The following PLAG1 variants were observed in gnomAD, a reference collection of about 807,000 sequenced individuals.
PLAG1 encodes zinc finger protein PLAG1.
Under a neutral mutation model 35.5 loss-of-function variants are expected in PLAG1, and 7 were observed. The observed-to-expected ratio is 0.20, with a 90% CI of 0.11 to 0.37. The LOEUF is 0.37. PLAG1 is among the 10% of genes least tolerant of loss of function. The probability of loss-of-function intolerance (pLI) is 1.00; values close to 1 mark genes in which losing one functional copy is unlikely to be tolerated. For missense variants in PLAG1, 454 were observed against 602.8 expected (o/e 0.75, Z 2.58); for synonymous variants, 229 against 225.4 (o/e 1.02, Z -0.14).
Position 56,167,413 on chromosome 8 carries a change from G to C in PLAG1, c.333C>G (p.Leu111=). 1 of 1,613,280 alleles carries C rather than the reference G, an allele frequency of 6.2e-7. No homozygotes were observed. Among genetic ancestry groups the C allele is most frequent in the South Asian group, 1.1e-5 (1 of 91,030 alleles). The change falls in exon 5 of 5, where the codon CTC becomes CTG. Residue 111 remains leucine, a synonymous_variant. Transcript: ENST00000316981. This position sits in a 1 kb window ranked among gnomAD's most constrained non-coding sequence, Gnocchi z 5.9. The stretch of plus-strand genomic sequence containing the variant: ...TCTCTTTGTTAGGGTCGTGTGTATG[G>C]AGGTGATTCTTCAGATGATCTTTCC... ...FHRKDHLKNH[L]HTHDPNKETF... is the part of the protein sequence containing the mutation.
chr8:56,171,801 T>G (rs1811532316), intron 2 of PLAG1, among the ~76,000 whole-genome samples: 1 of 152,196 alleles, frequency 6.6e-6, no homozygotes, highest in Non-Finnish European at 1.5e-5. Context: ...TAAATATAGA[T>G]TTGCTACAGA....
rs914390675 is a variant in PLAG1 at position 56,181,663 on chromosome 8, A to AT, written c.-321-2151dup. Among the ~76,000 whole-genome samples the AT allele has an allele frequency of 8.8e-4, 134 of 152,316 alleles. 1 individual carries two copies. Among genetic ancestry groups the AT allele is most frequent in the African/African-American group, 3.0e-3 (124 of 41,564 alleles). ...TGCAACAAACCACCATAGCACGTGT[A>AT]TACCTATGTAACAAACCTGCACGTT... On this transcript the variant is annotated intron_variant, in intron 1 of 4. Transcript: ENST00000316981.
chr8:56,190,872 T>C (rs1392906986), intron 1 of PLAG1, among the ~76,000 whole-genome samples: 1 of 152,022 alleles, frequency 6.6e-6, no homozygotes, highest in Non-Finnish European at 1.5e-5. Context: ...AGGTGACACA[T>C]GAGCAGTTTT....
At position 56,161,284 on chromosome 8, in the gene PLAG1, A is replaced by G. The variant is rs1216892221; in HGVS notation, c.*4959T>C. On this transcript the variant is annotated 3_prime_UTR_variant, in exon 5 of 5. Coordinates refer to ENST00000316981, the MANE Select transcript of PLAG1 (RefSeq NM_002655.3). ...AATAGCAATTTTAAATGCAATAAAA[A>G]TATACAAAATTCGGCCTGGAATGCA... is the stretch of plus-strand genomic sequence containing the variant. The G allele has an allele frequency of 4.8e-6, 1 of 206,792 alleles. No homozygotes were observed. Among genetic ancestry groups the G allele is most frequent in the Non-Finnish European group, 9.9e-6 (1 of 101,140 alleles). 12.8% of individuals were successfully genotyped at this position (206,792 alleles called of 1,614,324 possible).
chr8:56,182,804 CG>C (rs1563382076), intron 1 of PLAG1, among the ~76,000 whole-genome samples: 1 of 151,964 alleles, frequency 6.6e-6, no homozygotes, highest in African/African-American at 2.4e-5. Context: ...GACAAAGAGG[CG>C]GGGAAGAAAG....
At chr8:56,197,739 G>A (rs1812425719) in intron 1 of PLAG1, among the ~76,000 whole-genome samples, 1 of 152,150 alleles carries the variant, frequency 6.6e-6, no homozygotes, top group African/African-American at 2.4e-5. Flanking sequence ...TCATGCATCT[G>A]TGTCTGTCTT....
At position 56,168,262 on chromosome 8, in the gene PLAG1, G is replaced by C. The variant is rs1323553156; in HGVS notation, c.8C>G (p.Thr3Ser). The part of the protein sequence containing the change: MA[T>S]VIPGDLSEVR... ...TTCTGACAAATCACCAGGAATGACA[G>C]TGGCCATCGCAGCCTAAACCAGGCC... The change falls in exon 4 of 5, where the codon ACT (threonine) becomes AGT (serine). Residue 3 changes from threonine (T) to serine (S), a missense_variant. Around this residue, in one of 4 missense-constraint regions of PLAG1, gnomAD observed 4 missense variants for 23.6 expected, o/e 0.17. Coordinates refer to ENST00000316981, the MANE Select transcript of PLAG1 (RefSeq NM_002655.3). 2 of 1,611,350 alleles carry C rather than the reference G, an allele frequency of 1.2e-6. No individual in the cohort carries two copies. The highest frequency in any genetic ancestry group is 1.7e-6 in the Non-Finnish European group (2 of 1,178,206).
intron 1 of PLAG1, among the ~76,000 whole-genome samples, chr8:56,195,290 T>G (rs1812326124): frequency 6.6e-6 from 1 of 152,182 alleles, no homozygotes. Context: ...ATTTTCTTCC[T>G]CTATAACTGG....
At chr8:56,196,245 GA>G (rs370015758) in intron 1 of PLAG1, among the ~76,000 whole-genome samples, 180 of 152,296 alleles carry the variant, frequency 1.2e-3, no homozygotes, top group African/African-American at 3.9e-3. Context: ...AGGGATAGAA[GA>G]AACAAGCCTG....
intron 1 of PLAG1, chr8:56,209,178 A>G (rs1261323493): frequency 2.0e-5 from 3 of 152,252 alleles, no homozygotes; most frequent in Non-Finnish European, 4.4e-5. Flanking sequence ...CACAGAATTC[A>G]TAACTGTTCA....
chr8:56,187,640 G>C (rs1032324060), intron 1 of PLAG1, among the ~76,000 whole-genome samples: 1 of 152,150 alleles, frequency 6.6e-6, no homozygotes, highest in African/African-American at 2.4e-5. Context: ...GCCTGATATG[G>C]ATTTAAAAAA....
Position 56,163,337 on chromosome 8 carries a change from G to A in PLAG1, c.*2906C>T. On this transcript the variant is annotated 3_prime_UTR_variant, in exon 5 of 5. Coordinates refer to ENST00000316981, the MANE Select transcript of PLAG1 (RefSeq NM_002655.3). Reference sequence around the variant, plus strand: ...TACTTATTTTTAATCATATCTAGTTGACATAGAAACAAACAATCTTTTTCT... The same window carrying A: ...TACTTATTTTTAATCATATCTAGTTAACATAGAAACAAACAATCTTTTTCT... 5.8e-6 allele frequency: 1 copy of A among 172,960 alleles called. No homozygotes were observed. The allele number at this position is 172,960 out of a possible 1,614,324, so 10.7% of individuals were successfully genotyped here. A position where few individuals can be genotyped will look rare whatever the true frequency, so the allele number is the denominator to read the frequency against.
chr8:56,190,930 T>C (rs576221282), intron 1 of PLAG1, among the ~76,000 whole-genome samples: 30 of 152,106 alleles, frequency 2.0e-4, no homozygotes, highest in African/African-American at 7.2e-4. Flanking sequence ...GTAAGAACAT[T>C]CCAGCAGAGG....
intron 2 of PLAG1, among the ~76,000 whole-genome samples, chr8:56,175,780 C>A (rs753462678): frequency 6.6e-6 from 1 of 152,066 alleles, no homozygotes; most frequent in African/African-American, 2.4e-5. Context: ...TAAGAACCAA[C>A]AGGAAAAAGT....
At chr8:56,191,446 T>C (rs1812180941) in intron 1 of PLAG1, among the ~76,000 whole-genome samples, 1 of 152,128 alleles carries the variant, frequency 6.6e-6, no homozygotes, top group Admixed American at 6.5e-5. Context: ...GGGTGGGGTG[T>C]TCCAGACAAT....
At position 56,196,057 on chromosome 8, in the gene PLAG1, G is replaced by A. The variant is rs149311067; in HGVS notation, c.-322+15064C>T. On this transcript the variant is annotated intron_variant, in intron 1 of 4. Coordinates refer to ENST00000316981, the MANE Select transcript of PLAG1 (RefSeq NM_002655.3). ...AGGGGAATTTGGGGAGCACAGAAGT[G>A]CCATGGAACCAGAGTTGGCCAGAAA... Among the ~76,000 whole-genome samples the A allele has an allele frequency of 5.9e-3, 895 of 152,310 alleles. 10 individuals are homozygous for A. Among genetic ancestry groups the A allele is most frequent in the African/African-American group, 0.02 (852 of 41,576 alleles).
In PLAG1 at chr8:56,161,025, A is replaced by G. The variant is rs2129222809; in HGVS notation, c.*5218T>C. 1 of 182,024 alleles carries G rather than the reference A, an allele frequency of 5.5e-6. No individual in the cohort carries two copies. The highest frequency in any genetic ancestry group is 9.0e-5 in the East Asian group (1 of 11,052). The allele number at this position is 182,024 out of a possible 1,614,324, so 11.3% of individuals were successfully genotyped here. A position where few individuals can be genotyped will look rare whatever the true frequency, so the allele number is the denominator to read the frequency against. ...GCAGTACTATTATTTAATTAGCAGC[A>G]AATTAATATTTTAAATCTGGTATAT... On this transcript the variant is annotated 3_prime_UTR_variant, in exon 5 of 5. Coordinates refer to ENST00000316981, the MANE Select transcript of PLAG1 (RefSeq NM_002655.3).
At chr8:56,198,629 C>T (rs1812454413) in intron 1 of PLAG1, among the ~76,000 whole-genome samples, 1 of 152,240 alleles carries the variant, frequency 6.6e-6, no homozygotes, top group African/African-American at 2.4e-5. Flanking sequence ...TAGAGCTCCT[C>T]CTCCAGACCT....
intron 1 of PLAG1, among the ~76,000 whole-genome samples, chr8:56,188,563 T>C (rs1256181449): frequency 2.6e-5 from 4 of 152,252 alleles, no homozygotes; most frequent in East Asian, 1.9e-4. Context: ...AATTTGTCTA[T>C]AGGCACCTAT....
Sources: gnomAD v4.1 joint callset for allele counts (sites outside exome capture counted in the v4.1 genomes callset) on GRCh38, gnomAD v4.1.1 for gene constraint, gnomAD v4.1.1 regional missense constraint, Gnocchi (gnomAD v3.1) non-coding constraint, MANE v1.5 for transcripts, NCBI Gene and HGNC (gene_info 2026-07-23, HGNC 2026-07-21) for gene names.